ZNF462: variants seen among roughly 807,000 people sequenced by gnomAD.
ZNF462 encodes zinc finger PBX1-interacting protein.
A neutral mutation model predicts 201.9 loss-of-function variants in ZNF462; 10 were observed. The ratio of observed to expected loss-of-function variants is 0.05; its 90% CI spans 0.03 to 0.08. The LOEUF (loss-of-function observed/expected upper bound fraction) is 0.08, where lower values mean the gene tolerates loss of function less well. Among genes scored for constraint, ZNF462 ranks in the 10% least tolerant of loss-of-function variants. The pLI, the probability that ZNF462 is intolerant of heterozygous loss-of-function variation, is 1.00. For synonymous variants in ZNF462, 1,227 were observed against 1,193.3 expected, an observed-to-expected ratio of 1.03 and a Z score of -0.58; for missense variants, 2,523 against 3,168.3, an observed-to-expected ratio of 0.80 and a Z score of 4.89.
intron 1 of ZNF462, among the ~76,000 whole-genome samples, chr9:106,903,187 A>G (rs569225282): frequency 1.4e-4 from 21 of 152,230 alleles, no homozygotes; most frequent in East Asian, 3.9e-4. Context: ...TTTTGACCCA[A>G]TGTTCATTCA....
chr9:106,965,261 G>A (rs1337560761), intron 7 of ZNF462, among the ~76,000 whole-genome samples: 2 of 152,078 alleles, frequency 1.3e-5, no homozygotes, highest in African/African-American at 4.8e-5. Context: ...GAAATTGGAA[G>A]CTAGCTGGAA....
chr9:106,948,592 T>G (rs1831208769), intron 7 of ZNF462, among the ~76,000 whole-genome samples: 1 of 152,088 alleles, frequency 6.6e-6, no homozygotes, highest in Non-Finnish European at 1.5e-5. Context: ...TAATCTCTAT[T>G]CACAGTTTGT....
rs1245512716 is a variant in ZNF462, at chr9:106,991,845, C to CT, written c.7056+7436_7056+7437insT. Among the ~76,000 whole-genome samples the CT allele has an allele frequency of 5.7e-3, 617 of 108,330 alleles. 4 individuals carry two copies. The highest frequency in any genetic ancestry group is 0.033 in the African/African-American group (593 of 17,854). 71.1% of individuals were successfully genotyped at this position (108,330 alleles called of 152,430 possible). On this transcript the variant is annotated intron_variant, in intron 10 of 12. Coordinates refer to ENST00000277225, the MANE Select transcript of ZNF462 (RefSeq NM_021224.6). ...TGACCTTTACAGCACTCTCTACACA[C>CT]ACACACACACACACACACACACACA...
intron 10 of ZNF462, among the ~76,000 whole-genome samples, chr9:107,000,579 C>A (rs550398618): frequency 7.9e-5 from 12 of 152,236 alleles, no homozygotes; most frequent in Admixed American, 5.2e-4. Context: ...TTAAAATCTT[C>A]TAATTACATA....
intron 7 of ZNF462, 146 bp downstream of exon 7, chr9:106,939,253 G>A (rs1434156238): frequency 1.1e-6 from 1 of 905,494 alleles, no homozygotes; most frequent in South Asian, 1.9e-5. Flanking sequence ...TTGAAATGGT[G>A]TGGAAGTTGG....
chr9:107,004,323 G>C (rs760006469), intron 11 of ZNF462, among the ~76,000 whole-genome samples: 3 of 152,168 alleles, frequency 2.0e-5, no homozygotes, highest in Non-Finnish European at 4.4e-5. Context: ...TTATGTGCTA[G>C]CCTCAGTGCT....
At position 106,938,648 on chromosome 9, in the gene ZNF462, G is replaced by A. The variant is rs146840367; in HGVS notation, c.6236-268G>A. ...CAGTTGGGTTTGACTTCCTATTGGG[G>A]AATTAATTCATAGCTTCACTCCTGT... On this transcript the variant is annotated intron_variant, in intron 6 of 12. Coordinates refer to ENST00000277225, the MANE Select transcript of ZNF462 (RefSeq NM_021224.6). The surrounding 1 kb of genome is among the most constrained non-coding windows in gnomAD (Gnocchi z 4.4). Among the ~76,000 whole-genome samples the A allele has an allele frequency of 6.9e-3, 1,057 of 152,228 alleles. 10 individuals carry two copies. The highest frequency in any genetic ancestry group is 0.02 in the Admixed American group (304 of 15,288).
chr9:106,995,654 A>G (rs745725988), intron 10 of ZNF462: 4 of 152,268 alleles, frequency 2.6e-5, no homozygotes, highest in Middle Eastern at 3.4e-3. Flanking sequence ...TTACTGCACA[A>G]TGGTCGTAAG....
chr9:106,862,250 T>TG (rs1474083539), upstream of ZNF462, among the ~76,000 whole-genome samples: 1 of 152,218 alleles, frequency 6.6e-6, no homozygotes, highest in African/African-American at 2.4e-5. The surrounding 1 kb of genome is among the most constrained non-coding windows in gnomAD (Gnocchi z 4.2). Context: ...GGTTTATACT[T>TG]GCAACCTCCA....
rs1234861175 is a variant in ZNF462, at chr9:106,905,652, G to C, written c.-30-17702G>C. ...CAGGTCACTGGAGTTGTGTACCTAG[G>C]AGGATTATGGCTGCCTCTGCTGAGT... On this transcript the variant is annotated intron_variant, in intron 1 of 12. Coordinates refer to ENST00000277225, the MANE Select transcript of ZNF462 (RefSeq NM_021224.6). This position sits in a 1 kb window ranked among gnomAD's most constrained non-coding sequence, Gnocchi z 5.9. Among the ~76,000 whole-genome samples the C allele has an allele frequency of 6.6e-6, 1 of 152,106 alleles. No homozygotes were observed. The highest frequency in any genetic ancestry group is 1.5e-5 in the Non-Finnish European group (1 of 68,026).
chr9:106,969,766 G>A (rs1339716970), intron 7 of ZNF462, among the ~76,000 whole-genome samples: 1 of 152,148 alleles, frequency 6.6e-6, no homozygotes, highest in Non-Finnish European at 1.5e-5. Flanking sequence ...GGTGGATTGT[G>A]GATGGTAGAC....
rs1219897053 is a variant in ZNF462 at position 106,926,057 on chromosome 9, T to C, written c.2145T>C (p.Asp715=). Residue 715 remains aspartate, a synonymous_variant, in exon 3 of 13, where the codon GAT becomes GAC. Coordinates refer to ENST00000277225, the MANE Select transcript of ZNF462 (RefSeq NM_021224.6). The surrounding 1 kb of genome is among the most constrained non-coding windows in gnomAD (Gnocchi z 7.9). ...TTAACCAAACCAAACAGCAGGAAGATGCAGTGATCAATGTTGAGGATGATG... is the reference window on the plus strand; with the variant it reads ...TTAACCAAACCAAACAGCAGGAAGACGCAGTGATCAATGTTGAGGATGATG... The part of the protein sequence containing the change: ...SKINQTKQQE[D]AVINVEDDEE... The C allele has an allele frequency of 6.2e-7, 1 of 1,613,996 alleles. No individual in the cohort carries two copies. Among genetic ancestry groups the C allele is most frequent in the African/African-American group, 1.3e-5 (1 of 74,878 alleles).
At chr9:106,863,641 T>C (rs1827156294) in intron 1 of ZNF462, among the ~76,000 whole-genome samples, 2 of 151,408 alleles carry the variant, frequency 1.3e-5, no homozygotes, top group South Asian at 4.2e-4. Flanking sequence ...GTGGTAGTGG[T>C]GGCAGTGGAG....
At chr9:106,945,083 A>C (rs1831047569) in intron 7 of ZNF462, among the ~76,000 whole-genome samples, 1 of 152,208 alleles carries the variant, frequency 6.6e-6, no homozygotes, top group African/African-American at 2.4e-5. Flanking sequence ...AATACCCATG[A>C]GATTAATCCA....
chr9:106,964,573 G>A (rs1005140278), intron 7 of ZNF462, among the ~76,000 whole-genome samples: 5 of 151,970 alleles, frequency 3.3e-5, no homozygotes, highest in African/African-American at 9.7e-5. Context: ...AGTGGAATGA[G>A]AACTTAGACA....
chr9:106,974,512 C>T lies in ZNF462; in HGVS notation c.6832+239C>T, dbSNP rs904022732. ...GTGATGGATTCTGCAGTGAACATTTCCGTAGGGCTTCCCAGCATGGGGGAT... is the reference window on the plus strand; with the variant it reads ...GTGATGGATTCTGCAGTGAACATTTTCGTAGGGCTTCCCAGCATGGGGGAT... On this transcript the variant is annotated intron_variant, in intron 9 of 12. Transcript: ENST00000277225. The surrounding 1 kb of genome is among the most constrained non-coding windows in gnomAD (Gnocchi z 4.0). 3 of 577,054 alleles carry T rather than the reference C, an allele frequency of 5.2e-6. No homozygotes were observed. The African/African-American group carries it at 5.6e-5, about 11-fold the overall frequency. 35.7% of individuals were successfully genotyped at this position (577,054 alleles called of 1,614,324 possible).
chr9:106,870,843 C>G lies in ZNF462; in HGVS notation c.-31+7488C>G, dbSNP rs1360396455. The stretch of plus-strand genomic sequence containing the variant: ...CCAGCTGGGGAAGGCCAAACTCACT[C>G]TTAAGTTCTCGTCTGAGCAGTTGAA... On this transcript the variant is annotated intron_variant, in intron 1 of 12. Coordinates refer to ENST00000277225, the MANE Select transcript of ZNF462 (RefSeq NM_021224.6). The surrounding 1 kb of genome is among the most constrained non-coding windows in gnomAD (Gnocchi z 4.3). 6.6e-6 allele frequency among the ~76,000 whole-genome samples: 1 copy of G among 152,194 alleles called. No individual in the cohort carries two copies. Among genetic ancestry groups the G allele is most frequent in the South Asian group, 2.1e-4 (1 of 4,834 alleles).
intron 1 of ZNF462, among the ~76,000 whole-genome samples, chr9:106,893,514 A>G (rs1828680010): frequency 6.6e-6 from 1 of 152,178 alleles, no homozygotes; most frequent in Non-Finnish European, 1.5e-5. Context: ...TAATATAACA[A>G]ATGCCCATGG....
rs1308260881 is a variant in ZNF462, at chr9:106,954,826, T to C, written c.6427+15719T>C. Among the ~76,000 whole-genome samples the C allele has an allele frequency of 1.1e-4, 17 of 152,196 alleles. No individual in the cohort carries two copies. Among genetic ancestry groups the C allele is most frequent in the Admixed American group, 1.1e-3 (17 of 15,268 alleles). On this transcript the variant is annotated intron_variant, in intron 7 of 12. Coordinates refer to ENST00000277225, the MANE Select transcript of ZNF462 (RefSeq NM_021224.6). The surrounding 1 kb of genome is among the most constrained non-coding windows in gnomAD (Gnocchi z 4.0). ...TCTCTTAAGAACATGTAGTTCAGTC[T>C]ACTGACTCCATAATATTACCAGGAG...
Sources: allele counts gnomAD v4.1 joint callset (sites outside exome capture counted in the v4.1 genomes callset), GRCh38; gene constraint gnomAD v4.1.1; non-coding constraint Gnocchi (gnomAD v3.1); transcripts MANE v1.5; gene names NCBI Gene and HGNC (gene_info 2026-07-23, HGNC 2026-07-21).